MAGI1: variants seen among roughly 807,000 people sequenced by gnomAD.
The protein encoded by MAGI1 is membrane associated guanylate kinase, WW and PDZ domain containing 1.
In MAGI1, 58 loss-of-function variants were observed where a neutral mutation model predicts 139.9. The observed-to-expected ratio is 0.41, with a 90% CI of 0.34 to 0.52. The LOEUF (loss-of-function observed/expected upper bound fraction) is 0.52, where lower values mean the gene tolerates loss of function less well. Ranked by LOEUF, MAGI1 falls within the 20% of genes least tolerant of loss-of-function variation. The probability of loss-of-function intolerance (pLI) is 0.12; values close to 1 mark genes in which losing one functional copy is unlikely to be tolerated. For synonymous variants in MAGI1, 812 were observed against 737.9 expected (o/e 1.10, Z -1.63); for missense variants, 1,874 against 1,901.6 (o/e 0.99, Z 0.27).
chr3:65,897,156 A>G (rs1394176463), intron 1 of MAGI1, among the ~76,000 whole-genome samples: 1 of 152,226 alleles, frequency 6.6e-6, no homozygotes, highest in African/African-American at 2.4e-5. Flanking sequence ...TACATCACTA[A>G]AGAATAAAAC....
At chr3:65,622,213 G>C in intron 1 of MAGI1, 125 bp from the exon 2 acceptor site, 1 of 726,876 alleles carries the variant, frequency 1.4e-6, no homozygotes. Context: ...TAGTCATTAG[G>C]AGGATGTACT....
At chr3:65,783,185 A>G (rs1320018396) in intron 1 of MAGI1, among the ~76,000 whole-genome samples, 1 of 152,178 alleles carries the variant, frequency 6.6e-6, no homozygotes, top group Non-Finnish European at 1.5e-5. Context: ...TTACAATTCA[A>G]CAACAAAAAG....
At chr3:66,027,478 A>G (rs1322493245) in intron 1 of MAGI1, among the ~76,000 whole-genome samples, 1 of 152,010 alleles carries the variant, frequency 6.6e-6, no homozygotes, top group Non-Finnish European at 1.5e-5. Flanking sequence ...CCTGCTGTCA[A>G]GGCATTTCTA....
intron 1 of MAGI1, among the ~76,000 whole-genome samples, chr3:65,969,950 A>G (rs2064944646): frequency 6.6e-6 from 1 of 152,214 alleles, no homozygotes; most frequent in Admixed American, 6.5e-5. Flanking sequence ...TGGGGGCTTA[A>G]TAAGTACTTG....
At chr3:65,422,508 T>C (rs1575687344) in intron 12 of MAGI1, among the ~76,000 whole-genome samples, 1 of 152,168 alleles carries the variant, frequency 6.6e-6, no homozygotes, top group African/African-American at 2.4e-5. Flanking sequence ...TCTCTCAGGA[T>C]TAGCACTTAT....
chr3:66,031,523 T>A (rs2068590478), intron 1 of MAGI1, among the ~76,000 whole-genome samples: 1 of 152,076 alleles, frequency 6.6e-6, no homozygotes, highest in East Asian at 1.9e-4. Flanking sequence ...ACACAGCCAA[T>A]GACAAGGGGT....
intron 1 of MAGI1, among the ~76,000 whole-genome samples, chr3:65,667,077 C>A (rs1162176429): frequency 6.6e-6 from 1 of 152,182 alleles, no homozygotes; most frequent in Non-Finnish European, 1.5e-5. Context: ...AAATGGCATT[C>A]CTTCTGCCCG....
At chr3:65,903,572 C>T (rs1396931745) in intron 1 of MAGI1, among the ~76,000 whole-genome samples, 2 of 152,212 alleles carry the variant, frequency 1.3e-5, no homozygotes, top group African/African-American at 2.4e-5. Context: ...CACGTACACA[C>T]ACCTTCTCCA....
intron 12 of MAGI1, among the ~76,000 whole-genome samples, chr3:65,417,901 C>T (rs1161743442): frequency 6.6e-6 from 1 of 152,142 alleles, no homozygotes; most frequent in African/African-American, 2.4e-5. Flanking sequence ...TTAAATCCTT[C>T]CTATATTTCA....
chr3:66,033,291 TG>T (rs2068740867), intron 1 of MAGI1, among the ~76,000 whole-genome samples: 1 of 152,138 alleles, frequency 6.6e-6, no homozygotes, highest in African/African-American at 2.4e-5. Flanking sequence ...CCCAAGGTGC[TG>T]GGATTACAGG....
At chr3:65,677,943 C>T (rs969970543) in intron 1 of MAGI1, among the ~76,000 whole-genome samples, 7 of 152,174 alleles carry the variant, frequency 4.6e-5, no homozygotes, top group Non-Finnish European at 1.0e-4. Context: ...CAGTGATAGA[C>T]TGGATAAAGA....
chr3:65,859,964 C>T (rs1272292987), intron 1 of MAGI1, among the ~76,000 whole-genome samples: 6 of 151,426 alleles, frequency 4.0e-5, no homozygotes, highest in African/African-American at 9.7e-5. Context: ...GGCGCGATCT[C>T]GGCTCACTGC....
chr3:65,673,112 CGA>C, intron 1 of MAGI1, among the ~76,000 whole-genome samples: 1 of 152,146 alleles, frequency 6.6e-6, no homozygotes, highest in South Asian at 2.1e-4. Context: ...CCTGGGCTTG[CGA>C]GTTTTTGTTC....
At chr3:65,986,212 T>C (rs1214404019) in intron 1 of MAGI1, among the ~76,000 whole-genome samples, 1 of 152,216 alleles carries the variant, frequency 6.6e-6, no homozygotes, top group African/African-American at 2.4e-5. Flanking sequence ...TATACCATCC[T>C]TGATAAATGA....
intron 2 of MAGI1, among the ~76,000 whole-genome samples, chr3:65,503,598 T>G (rs72891201): frequency 2.0e-5 from 3 of 150,868 alleles, no homozygotes; most frequent in Non-Finnish European, 4.5e-5. Context: ...ATAACTTGCA[T>G]GTTTGGGATC....
At chr3:65,686,578 A>G (rs1391885700) in intron 1 of MAGI1, among the ~76,000 whole-genome samples, 1 of 152,208 alleles carries the variant, frequency 6.6e-6, no homozygotes, top group African/African-American at 2.4e-5. Context: ...GGCATGAGCC[A>G]TCGCACCCAG....
At chr3:65,670,955 CA>C (rs1298787390) in intron 1 of MAGI1, among the ~76,000 whole-genome samples, 2 of 152,140 alleles carry the variant, frequency 1.3e-5, no homozygotes, top group African/African-American at 4.8e-5. Context: ...GCTATTCATT[CA>C]CTGTTTTTAG....
At chr3:65,613,666 C>T (rs1355468354) in intron 2 of MAGI1, among the ~76,000 whole-genome samples, 1 of 152,090 alleles carries the variant, frequency 6.6e-6, no homozygotes, top group East Asian at 1.9e-4. Context: ...AGAAACAGAA[C>T]ATTGGGGAAT....
chr3:65,785,722 G>A (rs2039323118), intron 1 of MAGI1, among the ~76,000 whole-genome samples: 1 of 152,100 alleles, frequency 6.6e-6, no homozygotes. Flanking sequence ...ATGAATGAAT[G>A]AGTGAAATCA....
Sources: gnomAD v4.1 joint callset for allele counts (sites outside exome capture counted in the v4.1 genomes callset) on GRCh38, gnomAD v4.1.1 for gene constraint, MANE v1.5 for transcripts, NCBI Gene and HGNC (gene_info 2026-07-23, HGNC 2026-07-21) for gene names.